RGS6: variants seen among roughly 807,000 people sequenced by gnomAD.
RGS6 encodes regulator of G protein signaling 6, also known as regulator of G-protein signaling 6.
Under a neutral mutation model 78.5 loss-of-function variants are expected in RGS6, and 30 were observed. That is an observed-to-expected ratio of 0.38 (90% CI 0.29 to 0.52). The LOEUF (loss-of-function observed/expected upper bound fraction) is 0.52, where lower values mean the gene tolerates loss of function less well. Ranked by LOEUF, RGS6 falls within the 20% of genes least tolerant of loss-of-function variation. The pLI is 0.85. For synonymous variants in RGS6, 206 were observed against 206.0 expected (o/e 1.00, Z 0.00); for missense variants, 495 against 609.7 (o/e 0.81, Z 1.98).
At chr14:72,052,193 CTGG>C (rs1298499989) in intron 2 of RGS6, among the ~76,000 whole-genome samples, 1 of 152,150 alleles carries the variant, frequency 6.6e-6, no homozygotes, top group Non-Finnish European at 1.5e-5. Flanking sequence ...AAAAAGCCTC[CTGG>C]TATATACCTT....
chr14:72,419,094 A>G (rs1350016586), intron 3 of RGS6, among the ~76,000 whole-genome samples: 2 of 152,190 alleles, frequency 1.3e-5, no homozygotes, highest in Non-Finnish European at 2.9e-5. Context: ...AGAGACATGA[A>G]TGGGCACCAG....
intron 2 of RGS6, among the ~76,000 whole-genome samples, chr14:72,338,035 T>C (rs2076353831): frequency 6.6e-6 from 1 of 152,240 alleles, no homozygotes; most frequent in Non-Finnish European, 1.5e-5. Context: ...AAAACACCTT[T>C]GCCTGAGCCT....
chr14:72,017,423 TTTC>T (rs2087273825), intron 2 of RGS6, among the ~76,000 whole-genome samples: 1 of 152,208 alleles, frequency 6.6e-6, no homozygotes, highest in South Asian at 2.1e-4. Context: ...TTCACTTCTT[TTTC>T]TTGTCTTGAT....
At chr14:71,939,862 A>C (rs563420286) in intron 1 of RGS6, among the ~76,000 whole-genome samples, 10 of 152,322 alleles carry the variant, frequency 6.6e-5, no homozygotes, top group African/African-American at 2.4e-4. Flanking sequence ...CTCCAGGCAC[A>C]TGATACTGTT....
At chr14:72,584,851 G>T in the RGS6 span, among the ~76,000 whole-genome samples, 13 of 152,142 alleles carry the variant, frequency 8.5e-5, no homozygotes, top group African/African-American at 2.9e-4. Context: ...AAGTTGGGGG[G>T]ATTGAGTCAA....
chr14:72,519,945 A>C (rs954479786), intron 15 of RGS6, among the ~76,000 whole-genome samples: 1 of 152,156 alleles, frequency 6.6e-6, no homozygotes, highest in Non-Finnish European at 1.5e-5. Flanking sequence ...ATTTATTTTA[A>C]TTTTTTATTA....
intron 12 of RGS6, among the ~76,000 whole-genome samples, chr14:72,486,992 C>G (rs970808513): frequency 1.3e-5 from 2 of 152,156 alleles, no homozygotes; most frequent in Admixed American, 6.5e-5. Context: ...TTAACCCTCT[C>G]TGCTACTCTC....
At chr14:72,037,918 T>C (rs2091939245) in intron 2 of RGS6, among the ~76,000 whole-genome samples, 1 of 152,100 alleles carries the variant, frequency 6.6e-6, no homozygotes, top group Admixed American at 6.6e-5. Context: ...TATTCTATGC[T>C]GTTGATCTAC....
chr14:72,020,677 A>G (rs559398291), intron 2 of RGS6, among the ~76,000 whole-genome samples: 34 of 152,350 alleles, frequency 2.2e-4, no homozygotes, highest in African/African-American at 7.9e-4. Context: ...TTTGTGTGCC[A>G]GGCACTTTTT....
At chr14:72,034,873 T>C (rs2091452698) in intron 2 of RGS6, among the ~76,000 whole-genome samples, 1 of 152,198 alleles carries the variant, frequency 6.6e-6, no homozygotes, top group South Asian at 2.1e-4. Flanking sequence ...ATCTGAGAGT[T>C]CACTTTCTGC....
intron 2 of RGS6, among the ~76,000 whole-genome samples, chr14:72,091,040 C>A (rs977373938): frequency 6.6e-6 from 1 of 152,134 alleles, no homozygotes; most frequent in Admixed American, 6.6e-5. Flanking sequence ...GAGGGAGTAG[C>A]ATGAACGTTT....
intron 2 of RGS6, among the ~76,000 whole-genome samples, chr14:72,167,024 T>C (rs1021664604): frequency 6.7e-6 from 1 of 148,602 alleles, no homozygotes; most frequent in African/African-American, 2.5e-5. Flanking sequence ...AATCCCTTAC[T>C]AGCCCAGTTG....
chr14:72,143,744 A>G (rs1263927585), intron 2 of RGS6, among the ~76,000 whole-genome samples: 2 of 152,222 alleles, frequency 1.3e-5, no homozygotes, highest in African/African-American at 4.8e-5. Context: ...ATTTTCAAAC[A>G]TTTTAGTCTT....
At chr14:72,607,767 T>G in the RGS6 span, among the ~76,000 whole-genome samples, 4 of 152,308 alleles carry the variant, frequency 2.6e-5, no homozygotes, top group East Asian at 7.7e-4. Flanking sequence ...CTGCTTTGGG[T>G]GAAGGCCTGG....
chr14:71,985,744 C>T (rs2094682793), intron 2 of RGS6, among the ~76,000 whole-genome samples: 1 of 152,130 alleles, frequency 6.6e-6, no homozygotes, highest in South Asian at 2.1e-4. Context: ...TTTGCAACAC[C>T]ATCCTTATCC....
chr14:72,628,624 T>C, the RGS6 span, among the ~76,000 whole-genome samples: 38 of 149,708 alleles, frequency 2.5e-4, no homozygotes, highest in East Asian at 7.5e-3. Flanking sequence ...ATCTATGAAG[T>C]AGTCTTGCCA....
chr14:72,425,093 A>G (rs182616014), intron 3 of RGS6, among the ~76,000 whole-genome samples: 36 of 152,346 alleles, frequency 2.4e-4, no homozygotes, highest in Middle Eastern at 3.4e-3. Context: ...TGCGAGCATA[A>G]TACCAAAGGC....
downstream of RGS6, among the ~76,000 whole-genome samples, chr14:72,570,630 T>C (rs79105053): frequency 0.028 from 4,283 of 152,276 alleles, 86 homozygotes; most frequent in South Asian, 0.045. Context: ...CCAAATAGAT[T>C]AGCACAGATT....
chr14:72,058,688 A>G (rs1293609344), intron 2 of RGS6, among the ~76,000 whole-genome samples: 1 of 152,184 alleles, frequency 6.6e-6, no homozygotes, highest in Non-Finnish European at 1.5e-5. Context: ...TTTCCCAGTC[A>G]TGGCTGGAGG....
Sources: allele counts gnomAD v4.1 joint callset (sites outside exome capture counted in the v4.1 genomes callset), GRCh38; gene constraint gnomAD v4.1.1; transcripts MANE v1.5; gene names NCBI Gene and HGNC (gene_info 2026-07-23, HGNC 2026-07-21).